Variants in SGCZ observed in about 807,000 individuals in gnomAD.
The protein encoded by SGCZ is zeta-sarcoglycan.
Under a neutral mutation model 41.3 loss-of-function variants are expected in SGCZ, and 40 were observed. That is an observed-to-expected ratio of 0.97 (90% CI 0.75 to 1.26). The LOEUF is 1.26. Among genes scored for constraint, SGCZ ranks in the 50% most tolerant of loss-of-function variants. The pLI, the probability that SGCZ is intolerant of heterozygous loss-of-function variation, is 0.00. For missense variants in SGCZ, 552 were observed against 369.8 expected, an observed-to-expected ratio of 1.49 and a Z score of -4.04; for synonymous variants, 206 against 137.5, an observed-to-expected ratio of 1.50 and a Z score of -3.49.
chr8:14,669,617 T>A (rs1808035911), intron 1 of SGCZ, among the ~76,000 whole-genome samples: 1 of 151,866 alleles, frequency 6.6e-6, no homozygotes. Flanking sequence ...CAGAATGGCC[T>A]CCAGGTCCAT....
chr8:14,866,327 C>A (rs1218999268), intron 1 of SGCZ, among the ~76,000 whole-genome samples: 1 of 152,014 alleles, frequency 6.6e-6, no homozygotes, highest in Non-Finnish European at 1.5e-5. Flanking sequence ...ATTGCTACTA[C>A]AGATTAAAAG....
At chr8:14,640,706 T>C (rs1341526527) in intron 1 of SGCZ, among the ~76,000 whole-genome samples, 1 of 151,574 alleles carries the variant, frequency 6.6e-6, no homozygotes, top group Admixed American at 6.6e-5. Flanking sequence ...TTTTAACTTT[T>C]ACTTGAAGAA....
intron 2 of SGCZ, among the ~76,000 whole-genome samples, chr8:14,336,783 C>A (rs1037813729): frequency 3.9e-5 from 6 of 152,272 alleles, no homozygotes; most frequent in Non-Finnish European, 5.9e-5. Flanking sequence ...GTGTCTCAAA[C>A]AAAGTAATCA....
At chr8:14,629,045 C>A (rs79370938) in intron 1 of SGCZ, among the ~76,000 whole-genome samples, 3 of 151,984 alleles carry the variant, frequency 2.0e-5, no homozygotes, top group Non-Finnish European at 4.4e-5. Flanking sequence ...AATTGCCCTA[C>A]GAAGGAAAAA....
chr8:14,104,010 A>G (rs1306950793), intron 6 of SGCZ, among the ~76,000 whole-genome samples: 2 of 152,142 alleles, frequency 1.3e-5, no homozygotes, highest in Admixed American at 6.5e-5. Context: ...ATGTTGTCCC[A>G]CTTCTCTCTT....
chr8:14,367,444 C>G (rs1803754592), intron 2 of SGCZ, among the ~76,000 whole-genome samples: 1 of 152,098 alleles, frequency 6.6e-6, no homozygotes, highest in South Asian at 2.1e-4. Flanking sequence ...GCACCCCACT[C>G]TCTGTAGTAC....
At position 14,506,814 on chromosome 8, in the gene SGCZ, G is replaced by C. The variant is rs116370312; in HGVS notation, c.234+47918C>G. Among the ~76,000 whole-genome samples the C allele has an allele frequency of 9.6e-3, 1,453 of 152,132 alleles. 27 individuals are homozygous for C. The highest frequency in any genetic ancestry group is 0.032 in the African/African-American group (1,346 of 41,464). ...TCTCTCTTCCTTGAAAATCCTGTTT[G>C]ACTTCAGGCAGCCCACATTCTCTTA... On this transcript the variant is annotated intron_variant, in intron 2 of 7. Coordinates refer to ENST00000382080, the MANE Select transcript of SGCZ (RefSeq NM_139167.4).
intron 4 of SGCZ, among the ~76,000 whole-genome samples, chr8:14,188,199 G>A (rs1325469818): frequency 6.6e-6 from 1 of 152,144 alleles, no homozygotes; most frequent in Non-Finnish European, 1.5e-5. Context: ...AAATTCTTCA[G>A]GCAGAAAGCA....
At chr8:15,028,614 G>C (rs1389970450) in intron 1 of SGCZ, among the ~76,000 whole-genome samples, 1 of 152,060 alleles carries the variant, frequency 6.6e-6, no homozygotes, top group Non-Finnish European at 1.5e-5. Flanking sequence ...TGCTTCACAG[G>C]CTCCCTCAGT....
At chr8:14,201,030 C>T (rs1489064379) in intron 4 of SGCZ, among the ~76,000 whole-genome samples, 1 of 151,946 alleles carries the variant, frequency 6.6e-6, no homozygotes, top group Non-Finnish European at 1.5e-5. Flanking sequence ...AACAAAAACA[C>T]AAAAAGATGC....
intron 1 of SGCZ, among the ~76,000 whole-genome samples, chr8:14,907,612 T>C: frequency 6.6e-6 from 1 of 151,980 alleles, no homozygotes; most frequent in Non-Finnish European, 1.5e-5. Flanking sequence ...GAAGCCAAGG[T>C]AGGAGTGTTG....
At chr8:15,141,521 T>A (rs539385897) in intron 1 of SGCZ, among the ~76,000 whole-genome samples, 1 of 152,216 alleles carries the variant, frequency 6.6e-6, no homozygotes, top group Non-Finnish European at 1.5e-5. Flanking sequence ...GTACTCTCAA[T>A]GATGATAAAT....
At chr8:14,235,188 C>T (rs1406501688) in intron 4 of SGCZ, among the ~76,000 whole-genome samples, 3 of 152,150 alleles carry the variant, frequency 2.0e-5, no homozygotes, top group Non-Finnish European at 2.9e-5. Flanking sequence ...CTAAATAGCT[C>T]CCTGTGGCTT....
chr8:14,775,271 AAC>A (rs1444049111), intron 1 of SGCZ, among the ~76,000 whole-genome samples: 2 of 151,918 alleles, frequency 1.3e-5, no homozygotes, highest in Non-Finnish European at 2.9e-5. Flanking sequence ...TAGAGCCCAG[AAC>A]AAAAACCATT....
At chr8:14,760,072 G>C (rs1563251056) in intron 1 of SGCZ, among the ~76,000 whole-genome samples, 1 of 152,146 alleles carries the variant, frequency 6.6e-6, no homozygotes, top group Admixed American at 6.6e-5. Flanking sequence ...CCCACCACCC[G>C]CCCCATGATG....
chr8:14,350,403 G>A (rs977354484), intron 2 of SGCZ, among the ~76,000 whole-genome samples: 1 of 151,980 alleles, frequency 6.6e-6, no homozygotes, highest in South Asian at 2.1e-4. Context: ...GAGTTGTATT[G>A]AATACTATGG....
intron 1 of SGCZ, among the ~76,000 whole-genome samples, chr8:14,803,931 G>A (rs1382191616): frequency 3.3e-5 from 3 of 90,238 alleles, no homozygotes; most frequent in Non-Finnish European, 4.0e-5. Context: ...CCTGACCCCC[G>A]AGCCGCCTAA....
At chr8:14,445,643 T>C (rs1164883481) in intron 2 of SGCZ, among the ~76,000 whole-genome samples, 1 of 152,190 alleles carries the variant, frequency 6.6e-6, no homozygotes, top group Admixed American at 6.5e-5. Flanking sequence ...CTCATTATCC[T>C]TGGACATCGA....
intron 1 of SGCZ, among the ~76,000 whole-genome samples, chr8:14,738,705 G>C (rs1209646932): frequency 1.3e-5 from 2 of 152,036 alleles, no homozygotes; most frequent in African/African-American, 4.8e-5. Flanking sequence ...AGGAGTCATG[G>C]TATCCCAAGG....
Sources: gnomAD v4.1 joint callset for allele counts (sites outside exome capture counted in the v4.1 genomes callset) on GRCh38, gnomAD v4.1.1 for gene constraint, MANE v1.5 for transcripts, NCBI Gene and HGNC (gene_info 2026-07-23, HGNC 2026-07-21) for gene names.